Variants in SNX3 observed in about 807,000 individuals in gnomAD.
SNX3 encodes sorting nexin 3.
Under a neutral mutation model 17.7 loss-of-function variants are expected in SNX3, and 5 were observed. The observed-to-expected ratio is 0.28, with a 90% confidence interval of 0.15 to 0.59. The LOEUF (loss-of-function observed/expected upper bound fraction) is 0.59, where lower values mean the gene tolerates loss of function less well. SNX3 is among the 20% of genes least tolerant of loss of function. SNX3 has a pLI of 0.88. For missense variants in SNX3, 132 were observed against 206.8 expected (o/e 0.64, Z 2.22); for synonymous variants, 91 against 76.5 (o/e 1.19, Z -0.99).
intron 2 of SNX3, among the ~76,000 whole-genome samples, chr6:108,218,258 A>G (rs1774648783): frequency 6.6e-6 from 1 of 152,254 alleles, no homozygotes; most frequent in Non-Finnish European, 1.5e-5. Flanking sequence ...AAGAAGATAC[A>G]TAAATGACCA....
chr6:108,225,539 G>A (rs1212141611), intron 1 of SNX3, among the ~76,000 whole-genome samples: 2 of 152,044 alleles, frequency 1.3e-5, no homozygotes, highest in African/African-American at 4.8e-5. Flanking sequence ...GCTGAGGCAG[G>A]AGAACTGCTT....
intron 1 of SNX3, among the ~76,000 whole-genome samples, chr6:108,240,001 G>A (rs1439023037): frequency 2.0e-5 from 3 of 152,008 alleles, no homozygotes; most frequent in Non-Finnish European, 2.9e-5. Context: ...CTAAAAGAAA[G>A]GTATAAAGTA....
At chr6:108,240,925 G>C (rs570551256) in intron 1 of SNX3, among the ~76,000 whole-genome samples, 14 of 151,642 alleles carry the variant, frequency 9.2e-5, no homozygotes, top group African/African-American at 3.1e-4. Flanking sequence ...GGTGGATCAC[G>C]AGGTCAGGAG....
At chr6:108,234,261 T>C (rs1319610432) in intron 1 of SNX3, among the ~76,000 whole-genome samples, 3 of 136,434 alleles carry the variant, frequency 2.2e-5, no homozygotes, top group Non-Finnish European at 4.5e-5. Flanking sequence ...ATATAACATA[T>C]ACATGTGACA....
chr6:108,228,547 A>T (rs999430478), intron 1 of SNX3, among the ~76,000 whole-genome samples: 62 of 130,470 alleles, frequency 4.8e-4, no homozygotes, highest in Middle Eastern at 3.5e-3. Context: ...ACTCTGTTTA[A>T]AAAAAAAAAA....
At chr6:108,232,981 A>G (rs1479946909) in intron 1 of SNX3, among the ~76,000 whole-genome samples, 2 of 152,252 alleles carry the variant, frequency 1.3e-5, no homozygotes, top group Non-Finnish European at 2.9e-5. Context: ...GATTGTCACT[A>G]AGCCAACGTA....
Position 108,260,924 on chromosome 6 carries a change from C to CGCTGTA in SNX3, c.-9_-4dup. ...GTGTCAGCCACGGTCTCCGCCATTTCGCTGTAGCTGCTGCCGCCGCCGCGG... is the reference window on the plus strand; with the variant it reads ...GTGTCAGCCACGGTCTCCGCCATTTCGCTGTAGCTGTAGCTGCTGCCGCCGCCGCGG... On this transcript the variant is annotated 5_prime_UTR_variant, in exon 1 of 4. Transcript: ENST00000230085. 6.3e-7 allele frequency: 1 copy of CGCTGTA among 1,576,206 alleles called. No individual in the cohort carries two copies. Among genetic ancestry groups the CGCTGTA allele is most frequent in the South Asian group, 1.1e-5 (1 of 88,618 alleles).
At position 108,223,052 on chromosome 6, in the gene SNX3, CAA is replaced by C. The variant is rs775879205; in HGVS notation, c.163-9_163-8del. On this transcript the variant is annotated splice_region_variant and splice_polypyrimidine_tract_variant and intron_variant, in intron 1 of 3. Coordinates refer to ENST00000230085, the MANE Select transcript of SNX3 (RefSeq NM_003795.6). ...TGAAAATAGGAAGATTTGTCTGAAA[CAA>C]AAAAAGTTAGTCCTAAATTGAAGCA... is the stretch of plus-strand genomic sequence containing the variant. 7 of 1,545,070 alleles carry C rather than the reference CAA, an allele frequency of 4.5e-6. No homozygotes were observed. In the South Asian group the frequency reaches 4.6e-5, roughly 10 times the overall value.
At chr6:108,235,080 C>A (rs1002646117) in intron 1 of SNX3, among the ~76,000 whole-genome samples, 2 of 152,196 alleles carry the variant, frequency 1.3e-5, no homozygotes, top group Non-Finnish European at 2.9e-5. Flanking sequence ...CTACAACAAA[C>A]CATGACACTC....
intron 2 of SNX3, among the ~76,000 whole-genome samples, chr6:108,215,159 C>T (rs1289911217): frequency 6.6e-6 from 1 of 151,136 alleles, no homozygotes; most frequent in Non-Finnish European, 1.5e-5. Flanking sequence ...ACCATCCTGG[C>T]TAACACGGTG....
At chr6:108,220,239 T>C (rs1207360320) in intron 2 of SNX3, among the ~76,000 whole-genome samples, 4 of 152,016 alleles carry the variant, frequency 2.6e-5, no homozygotes, top group African/African-American at 7.2e-5. Flanking sequence ...TAAACAGTAA[T>C]GTCCTAGGTC....
intron 1 of SNX3, among the ~76,000 whole-genome samples, chr6:108,235,706 C>T (rs1775307403): frequency 2.0e-5 from 3 of 152,000 alleles, no homozygotes; most frequent in South Asian, 2.1e-4. Flanking sequence ...GACTAGCCTG[C>T]CCAATATGGT....
At chr6:108,256,582 G>C (rs1776038854) in intron 1 of SNX3, among the ~76,000 whole-genome samples, 1 of 152,108 alleles carries the variant, frequency 6.6e-6, no homozygotes, top group South Asian at 2.1e-4. Flanking sequence ...CTTTGATTTT[G>C]TATCTTACCC....
In SNX3 at chr6:108,261,030, GT is replaced by G; in HGVS notation, c.-110del. ...GGGGACACGGGGCTCGCGCGCAGCG[GT>G]CGCGAAGAGAACGAGCACGTAGAGC... On this transcript the variant is annotated 5_prime_UTR_variant, in exon 1 of 4. Coordinates refer to ENST00000230085, the MANE Select transcript of SNX3 (RefSeq NM_003795.6). The G allele has an allele frequency of 3.7e-6, 4 of 1,090,394 alleles. No individual in the cohort carries two copies. Among genetic ancestry groups the G allele is most frequent in the Non-Finnish European group, 3.7e-6 (3 of 821,312 alleles). The allele number at this position is 1,090,394 out of a possible 1,614,324, so 67.5% of individuals were successfully genotyped here. A position where few individuals can be genotyped will look rare whatever the true frequency, so the allele number is the denominator to read the frequency against.
chr6:108,218,854 G>A (rs1251243824), intron 2 of SNX3, among the ~76,000 whole-genome samples: 2 of 152,214 alleles, frequency 1.3e-5, no homozygotes, highest in Non-Finnish European at 2.9e-5. Context: ...GGCTGAGTGA[G>A]GAAGGGTTGG....
chr6:108,241,143 C>CAAAAAAAAA (rs71274311), intron 1 of SNX3, among the ~76,000 whole-genome samples: 1 of 51,184 alleles, frequency 2.0e-5, no homozygotes, highest in South Asian at 7.4e-4. Context: ...GACTCCGTCT[C>CAAAAAAAAA]AAAAAAAAAA....
At chr6:108,259,430 T>C (rs942218153) in intron 1 of SNX3, among the ~76,000 whole-genome samples, 2 of 152,002 alleles carry the variant, frequency 1.3e-5, no homozygotes, top group Non-Finnish European at 2.9e-5. Context: ...ATGGGGTTTC[T>C]CCATGCTGGT....
intron 1 of SNX3, among the ~76,000 whole-genome samples, chr6:108,257,298 C>T (rs1032418262): frequency 3.9e-5 from 6 of 152,012 alleles, no homozygotes; most frequent in Non-Finnish European, 5.9e-5. Flanking sequence ...AGGGGGAGGG[C>T]CACTTGAGGC....
intron 1 of SNX3, among the ~76,000 whole-genome samples, chr6:108,242,031 GAA>G (rs1775537027): frequency 6.6e-6 from 1 of 152,162 alleles, no homozygotes; most frequent in South Asian, 2.1e-4. Flanking sequence ...CTCTACAGCT[GAA>G]AAGTATAATA....
Sources: gnomAD v4.1 joint callset for allele counts (sites outside exome capture counted in the v4.1 genomes callset) on GRCh38, gnomAD v4.1.1 for gene constraint, MANE v1.5 for transcripts, NCBI Gene and HGNC (gene_info 2026-07-23, HGNC 2026-07-21) for gene names.